The following PAK1 variants were observed in gnomAD, a reference collection of about 807,000 sequenced individuals.
PAK1 encodes p21 (RAC1) activated kinase 1.
A neutral mutation model predicts 67.4 loss-of-function variants in PAK1; 29 were observed. The ratio of observed to expected loss-of-function variants is 0.43; its 90% CI spans 0.32 to 0.59. The LOEUF (loss-of-function observed/expected upper bound fraction) is 0.59. PAK1 is among the 20% of genes least tolerant of loss of function. The pLI is 0.07. For missense variants in PAK1, 337 were observed against 670.7 expected, an observed-to-expected ratio of 0.50 and a Z score of 5.50; for synonymous variants, 223 against 237.4, an observed-to-expected ratio of 0.94 and a Z score of 0.56.
intron 1 of PAK1, among the ~76,000 whole-genome samples, chr11:77,459,845 C>T (rs533983504): frequency 6.6e-6 from 1 of 152,054 alleles, no homozygotes; most frequent in South Asian, 2.1e-4. Flanking sequence ...TACAGGCGCC[C>T]GCCACCGCGC....
intron 8 of PAK1, among the ~76,000 whole-genome samples, chr11:77,352,050 C>G (rs1945327248): frequency 6.6e-6 from 1 of 152,100 alleles, no homozygotes; most frequent in Non-Finnish European, 1.5e-5. Flanking sequence ...ACTGTTCTGA[C>G]TTCTATTATC....
chr11:77,434,933 A>T (rs1014630586), intron 1 of PAK1, among the ~76,000 whole-genome samples: 3 of 148,828 alleles, frequency 2.0e-5, no homozygotes, highest in Admixed American at 6.7e-5. Flanking sequence ...TAATTTTTGA[A>T]TTTTTTTTTT....
At chr11:77,325,000 A>C (rs1041646597) in intron 14 of PAK1, among the ~76,000 whole-genome samples, 13 of 152,230 alleles carry the variant, frequency 8.5e-5, no homozygotes, top group African/African-American at 2.9e-4. Context: ...TCTGTCTATA[A>C]GTGTGTTCTC....
chr11:77,504,995 A>G, the PAK1 span, among the ~76,000 whole-genome samples: 1 of 152,244 alleles, frequency 6.6e-6, no homozygotes, highest in African/African-American at 2.4e-5. Context: ...CTGATAGCCT[A>G]GTGGAGCCAC....
chr11:77,358,761 T>A, intron 6 of PAK1, 137 bp downstream of exon 6: 1 of 786,654 alleles, frequency 1.3e-6, no homozygotes, highest in Non-Finnish European at 2.1e-6. Context: ...TTAGTCAAGG[T>A]AGTTCAGTGA....
the PAK1 span, among the ~76,000 whole-genome samples, chr11:77,494,183 G>A: frequency 2.0e-5 from 3 of 152,164 alleles, no homozygotes; most frequent in Admixed American, 2.0e-4. Flanking sequence ...AATGCTTACT[G>A]CAGCACTGTA....
intron 1 of PAK1, among the ~76,000 whole-genome samples, 183 bp from the exon 2 acceptor site, chr11:77,392,724 G>T (rs1951297048): frequency 6.6e-6 from 1 of 152,168 alleles, no homozygotes; most frequent in African/African-American, 2.4e-5. Context: ...TATATGCCAA[G>T]CACTAATGAA....
the PAK1 span, among the ~76,000 whole-genome samples, chr11:77,505,120 T>C: frequency 2.0e-5 from 3 of 152,236 alleles, no homozygotes; most frequent in South Asian, 4.1e-4. Context: ...ATTTTAACCA[T>C]TTTTAAGTGT....
At chr11:77,328,439 C>CA (rs1437412229) in intron 14 of PAK1, among the ~76,000 whole-genome samples, 11 of 152,194 alleles carry the variant, frequency 7.2e-5, no homozygotes, top group Non-Finnish European at 1.0e-4. Context: ...AACTGTCTCT[C>CA]AGACCACAGT....
At chr11:77,419,582 G>C (rs1955149679) in intron 1 of PAK1, among the ~76,000 whole-genome samples, 1 of 152,270 alleles carries the variant, frequency 6.6e-6, no homozygotes, top group Non-Finnish European at 1.5e-5. Context: ...CAATCTAATA[G>C]CTTATAACTG....
At chr11:77,463,422 G>C (rs1165888764) in intron 1 of PAK1, among the ~76,000 whole-genome samples, 1 of 152,132 alleles carries the variant, frequency 6.6e-6, no homozygotes, top group Admixed American at 6.5e-5. Flanking sequence ...AAATGAAACA[G>C]TTTCAAGAAG....
intron 1 of PAK1, among the ~76,000 whole-genome samples, chr11:77,470,452 T>C (rs1365581187): frequency 6.6e-6 from 1 of 152,182 alleles, no homozygotes; most frequent in Non-Finnish European, 1.5e-5. Flanking sequence ...TGTATATAGC[T>C]GAACATCCTG....
chr11:77,333,876 A>G (rs952274643), intron 13 of PAK1, among the ~76,000 whole-genome samples: 5 of 152,092 alleles, frequency 3.3e-5, no homozygotes, highest in African/African-American at 1.2e-4. Context: ...AGATATGTCT[A>G]GGGCCGGGCG....
intron 6 of PAK1, 51 bp from the exon 7 acceptor site, chr11:77,355,893 G>A (rs755528892): frequency 6.7e-6 from 8 of 1,187,474 alleles, no homozygotes; most frequent in South Asian, 1.2e-5. Flanking sequence ...TTAGCATAGG[G>A]GAACCTCTCC....
chr11:77,520,886 C>T, the PAK1 span, among the ~76,000 whole-genome samples: 4 of 152,268 alleles, frequency 2.6e-5, no homozygotes, highest in Admixed American at 2.0e-4. Flanking sequence ...TCTCTTCCAT[C>T]CTTATATACC....
chr11:77,362,423 A>G (rs1328208067), intron 5 of PAK1, among the ~76,000 whole-genome samples: 2 of 151,134 alleles, frequency 1.3e-5, no homozygotes, highest in Non-Finnish European at 2.9e-5. Flanking sequence ...TACTAACACA[A>G]TATCACTGGC....
chr11:77,504,432 A>C, the PAK1 span, among the ~76,000 whole-genome samples: 1 of 152,228 alleles, frequency 6.6e-6, no homozygotes, highest in African/African-American at 2.4e-5. Flanking sequence ...AGTATAATGA[A>C]AAAAATCTTA....
At chr11:77,355,199 G>C (rs1288154799) in intron 7 of PAK1, among the ~76,000 whole-genome samples, 1 of 152,032 alleles carries the variant, frequency 6.6e-6, no homozygotes, top group African/African-American at 2.4e-5. Flanking sequence ...AAAATATTTT[G>C]CTTGTCATTT....
intron 1 of PAK1, among the ~76,000 whole-genome samples, chr11:77,461,619 C>T (rs937933419): frequency 3.3e-5 from 5 of 152,152 alleles, no homozygotes; most frequent in Non-Finnish European, 7.4e-5. Flanking sequence ...AAACAACAAA[C>T]TTAGGTCTAC....
Sources: gnomAD v4.1 joint callset for allele counts (sites outside exome capture counted in the v4.1 genomes callset) on GRCh38, gnomAD v4.1.1 for gene constraint, MANE v1.5 for transcripts, NCBI Gene and HGNC (gene_info 2026-07-23, HGNC 2026-07-21) for gene names.